Variants in GRM8 observed in about 807,000 individuals in gnomAD.
The protein encoded by GRM8 is glutamate metabotropic receptor 8.
GRM8 carries 47 observed loss-of-function variants against 87.2 expected under a neutral mutation model. The observed-to-expected ratio is 0.54, with a 90% CI of 0.43 to 0.69. The LOEUF (loss-of-function observed/expected upper bound fraction) is 0.69, where lower values mean the gene tolerates loss of function less well. Among genes scored for constraint, GRM8 ranks in the 30% least tolerant of loss-of-function variants. The pLI, the probability that GRM8 is intolerant of heterozygous loss-of-function variation, is 0.00. For missense variants in GRM8, 1,019 were observed against 1,139.2 expected (o/e 0.89, Z 1.52); for synonymous variants, 396 against 404.5 (o/e 0.98, Z 0.25).
chr7:127,148,943 T>A (rs1020097265), intron 2 of GRM8, among the ~76,000 whole-genome samples: 9 of 151,828 alleles, frequency 5.9e-5, no homozygotes, highest in African/African-American at 2.2e-4. Context: ...CAACTCTAAA[T>A]AAAAGACCTA....
At chr7:126,693,854 T>G (rs2151378331) in intron 7 of GRM8, among the ~76,000 whole-genome samples, 1 of 152,190 alleles carries the variant, frequency 6.6e-6, no homozygotes, top group African/African-American at 2.4e-5. Context: ...AGATGAAAAA[T>G]ATGTCTCAAG....
At chr7:126,815,297 T>G (rs1271251146) in intron 6 of GRM8, among the ~76,000 whole-genome samples, 1 of 152,204 alleles carries the variant, frequency 6.6e-6, no homozygotes, top group South Asian at 2.1e-4. Context: ...CAAATACAAG[T>G]TCCAAAATGA....
chr7:126,611,332 AGTT>A (rs1171919385), intron 7 of GRM8, among the ~76,000 whole-genome samples: 1 of 152,164 alleles, frequency 6.6e-6, no homozygotes, highest in Non-Finnish European at 1.5e-5. Flanking sequence ...TTTCTCATAG[AGTT>A]GTTGTGAGAA....
intron 9 of GRM8, among the ~76,000 whole-genome samples, chr7:126,457,791 A>T (rs1320605658): frequency 6.6e-6 from 1 of 150,976 alleles, no homozygotes; most frequent in Non-Finnish European, 1.5e-5. Context: ...GGAAATAATA[A>T]AGATAAAAGT....
chr7:127,030,790 C>G (rs1267706526), intron 3 of GRM8, among the ~76,000 whole-genome samples: 1 of 152,108 alleles, frequency 6.6e-6, no homozygotes, highest in Non-Finnish European at 1.5e-5. Flanking sequence ...AACTTAACAA[C>G]AGGAAAACTA....
At chr7:126,968,165 TATA>T (rs1359006652) in intron 3 of GRM8, among the ~76,000 whole-genome samples, 1 of 152,226 alleles carries the variant, frequency 6.6e-6, no homozygotes, top group African/African-American at 2.4e-5. Flanking sequence ...ACCATCATGT[TATA>T]ATGCCATTGT....
At chr7:126,827,148 G>A (rs1048785810) in intron 6 of GRM8, among the ~76,000 whole-genome samples, 18 of 152,182 alleles carry the variant, frequency 1.2e-4, no homozygotes, top group Admixed American at 2.0e-4. Context: ...GTCAGGTAGC[G>A]TGATGCCTTC....
rs143799016 is a variant in GRM8 at position 126,750,544 on chromosome 7, G to C, written c.1357+19321C>G. 4.6e-3 allele frequency among the ~76,000 whole-genome samples: 697 copies of C among 152,116 alleles called. 3 individuals carry two copies. The highest frequency in any genetic ancestry group is 0.014 in the South Asian group (68 of 4,822). On this transcript the variant is annotated intron_variant, in intron 7 of 10. Transcript: ENST00000339582. ...AAAGAACCTTAATGTCCACTCCTCA[G>C]CCTCAAAAAAGTCATGAATGTTAAT...
At chr7:126,492,306 C>T (rs142621448) in intron 9 of GRM8, among the ~76,000 whole-genome samples, 2 of 152,138 alleles carry the variant, frequency 1.3e-5, no homozygotes, top group African/African-American at 4.8e-5. Flanking sequence ...CTGCCTCAGC[C>T]TCACAAATTG....
chr7:127,026,610 C>A (rs1012026660), intron 3 of GRM8, among the ~76,000 whole-genome samples: 2 of 152,130 alleles, frequency 1.3e-5, no homozygotes, highest in African/African-American at 4.8e-5. Flanking sequence ...TGATGATGAG[C>A]ATTTTTTCAT....
intron 6 of GRM8, among the ~76,000 whole-genome samples, chr7:126,843,995 C>A (rs1796498725): frequency 6.6e-6 from 1 of 152,156 alleles, no homozygotes; most frequent in South Asian, 2.1e-4. Flanking sequence ...AATTTTACAA[C>A]CAGCACTCAC....
intron 2 of GRM8, among the ~76,000 whole-genome samples, chr7:127,124,714 A>C (rs2133196345): frequency 6.6e-6 from 1 of 152,274 alleles, no homozygotes. Context: ...TAAATTCAAC[A>C]TGATCAGAAC....
At chr7:126,546,453 G>A (rs1817170490) in intron 8 of GRM8, among the ~76,000 whole-genome samples, 1 of 152,180 alleles carries the variant, frequency 6.6e-6, no homozygotes, top group African/African-American at 2.4e-5. Flanking sequence ...GAGCAGAGGA[G>A]ATAGGAGACA....
chr7:126,719,103 T>G (rs1409086817), intron 7 of GRM8, among the ~76,000 whole-genome samples: 1 of 152,224 alleles, frequency 6.6e-6, no homozygotes, highest in Non-Finnish European at 1.5e-5. Context: ...GAAAAATTAT[T>G]AAAGCTCTGT....
At chr7:126,858,091 T>A (rs1417942905) in intron 6 of GRM8, among the ~76,000 whole-genome samples, 2 of 152,144 alleles carry the variant, frequency 1.3e-5, no homozygotes, top group Non-Finnish European at 2.9e-5. Context: ...ATTCACCCAG[T>A]TATTCAAGCC....
At chr7:126,615,880 A>G (rs1429990125) in intron 7 of GRM8, among the ~76,000 whole-genome samples, 1 of 152,040 alleles carries the variant, frequency 6.6e-6, no homozygotes, top group Non-Finnish European at 1.5e-5. Context: ...TAAAGCAAGT[A>G]CTTAGAGACC....
intron 3 of GRM8, among the ~76,000 whole-genome samples, chr7:126,930,245 C>A (rs2131433675): frequency 6.6e-6 from 1 of 152,344 alleles, no homozygotes; most frequent in South Asian, 2.1e-4. Context: ...TACTTAACTT[C>A]TCTGTGCCTG....
intron 9 of GRM8, among the ~76,000 whole-genome samples, chr7:126,456,622 T>C (rs34681633): frequency 0.13 from 18,873 of 146,824 alleles, 1,343 homozygotes; most frequent in Admixed American, 0.17. Flanking sequence ...TCATAAAATA[T>C]CAGACATTTA....
intron 3 of GRM8, among the ~76,000 whole-genome samples, chr7:126,967,167 T>G (rs76254689): frequency 1.3e-5 from 2 of 151,672 alleles, no homozygotes; most frequent in African/African-American, 4.8e-5. Flanking sequence ...GTGTGTGTGT[T>G]TGTGTGTGTG....
Sources: allele counts gnomAD v4.1 joint callset (sites outside exome capture counted in the v4.1 genomes callset), GRCh38; gene constraint gnomAD v4.1.1; transcripts MANE v1.5; gene names NCBI Gene and HGNC (gene_info 2026-07-23, HGNC 2026-07-21).